ALG11: variants seen among roughly 807,000 people sequenced by gnomAD.
The protein encoded by ALG11 is ALG11 alpha-1,2-mannosyltransferase.
Under a neutral mutation model 38.8 loss-of-function variants are expected in ALG11, and 26 were observed. That is an observed-to-expected ratio of 0.67 (90% confidence interval 0.49 to 0.93). The LOEUF is 0.93. ALG11 is among the 40% of genes least tolerant of loss of function. The pLI, the probability that ALG11 is intolerant of heterozygous loss-of-function variation, is 0.00. For synonymous variants in ALG11, 199 were observed against 211.6 expected, an observed-to-expected ratio of 0.94 and a Z score of 0.52; for missense variants, 535 against 578.8, an observed-to-expected ratio of 0.92 and a Z score of 0.78.
Position 52,030,697 on chromosome 13 carries a change from C to T in ALG11, c.*2107C>T, listed in dbSNP as rs1954293807. ...TGGACCTGACACTACCTGGCTGGGG[C>T]GAGTGGGGTGGTGTGGGCCTAAAGC... On this transcript the variant is annotated 3_prime_UTR_variant, in exon 4 of 4. Coordinates refer to ENST00000521508, the MANE Select transcript of ALG11 (RefSeq NM_001004127.3). The T allele has an allele frequency of 5.0e-6, 8 of 1,614,112 alleles. No individual in the cohort carries two copies. The highest frequency in any genetic ancestry group is 5.9e-6 in the Non-Finnish European group (7 of 1,180,014).
At position 52,029,379 on chromosome 13, in the gene ALG11, A is replaced by G. The variant is rs978706850; in HGVS notation, c.*789A>G. On this transcript the variant is annotated 3_prime_UTR_variant, in exon 4 of 4. Coordinates refer to ENST00000521508, the MANE Select transcript of ALG11 (RefSeq NM_001004127.3). ...GAGCAGGAAATTTTTAACCTCCTCC[A>G]TAAGAACAAGCAGCCAGTGACAGAT... The G allele has an allele frequency of 4.3e-6, 7 of 1,614,024 alleles. No homozygotes were observed. The highest frequency in any genetic ancestry group is 4.2e-6 in the Non-Finnish European group (5 of 1,180,044).
Position 52,030,105 on chromosome 13 carries a change from T to C in ALG11, c.*1515T>C, listed in dbSNP as rs1954283767. Reference sequence around the variant, plus strand: ...CAATCCCTTAGAAAAAGATCTGAGCTCAACCAGGATGCTGAGCCAGCAAGC... The same window carrying C: ...CAATCCCTTAGAAAAAGATCTGAGCCCAACCAGGATGCTGAGCCAGCAAGC... On this transcript the variant is annotated 3_prime_UTR_variant, in exon 4 of 4. Transcript: ENST00000521508. The C allele has an allele frequency of 2.5e-6, 4 of 1,614,024 alleles. No individual in the cohort carries two copies. Among genetic ancestry groups the C allele is most frequent in the Non-Finnish European group, 3.4e-6 (4 of 1,180,044 alleles).
rs1287258271 is a variant in ALG11, at chr13:52,031,015, C to A, written c.*2425C>A. 6.2e-7 allele frequency: 1 copy of A among 1,614,202 alleles called. No homozygotes were observed. Among genetic ancestry groups the A allele is most frequent in the East Asian group, 2.2e-5 (1 of 44,880 alleles). On this transcript the variant is annotated 3_prime_UTR_variant, in exon 4 of 4. Coordinates refer to ENST00000521508, the MANE Select transcript of ALG11 (RefSeq NM_001004127.3). ...AGCCCATAAAAGCAGAGGATGTGGG[C>A]TACCAGTCTTCCTCAAGGTCAGACC...
intron 1 of ALG11, 70 bp downstream of exon 1, chr13:52,012,532 C>G: frequency 6.2e-7 from 1 of 1,608,688 alleles, no homozygotes; most frequent in Non-Finnish European, 8.5e-7. Context: ...TCCAGTGTAG[C>G]TAAATTTTGC....
In ALG11 at chr13:52,029,428, G is replaced by A. The variant is rs757753927; in HGVS notation, c.*838G>A. ...ATCCTTTACTGACTCCCATGGAAAAGGCCTCTCTCCAAGCCATGAGCCTGG... is the reference window on the plus strand; with the variant it reads ...ATCCTTTACTGACTCCCATGGAAAAAGCCTCTCTCCAAGCCATGAGCCTGG... On this transcript the variant is annotated 3_prime_UTR_variant, in exon 4 of 4. Transcript: ENST00000521508. The A allele has an allele frequency of 2.5e-6, 4 of 1,614,160 alleles. No homozygotes were observed. The Admixed American group carries it at 6.7e-5, about 27-fold the overall frequency.
At chr13:52,020,948 A>C (rs1216920412) in intron 2 of ALG11, 2 of 152,178 alleles carry the variant, frequency 1.3e-5, no homozygotes, top group Non-Finnish European at 1.5e-5. Flanking sequence ...TCGACCTAGC[A>C]GTATTTATTG....
chr13:52,028,867 G>T lies in ALG11; in HGVS notation c.*277G>T, dbSNP rs775998263. On this transcript the variant is annotated 3_prime_UTR_variant, in exon 4 of 4. Coordinates refer to ENST00000521508, the MANE Select transcript of ALG11 (RefSeq NM_001004127.3). ...GCCACCAGGAAGAACTAGTGGATTTGCCAAAAAACTACCCCTTGAGTGAAA... is the reference window on the plus strand; with the variant it reads ...GCCACCAGGAAGAACTAGTGGATTTTCCAAAAAACTACCCCTTGAGTGAAA... 10 of 1,614,216 alleles carry T rather than the reference G, an allele frequency of 6.2e-6. No individual in the cohort carries two copies. Among genetic ancestry groups the T allele is most frequent in the Non-Finnish European group, 6.8e-6 (8 of 1,180,040 alleles).
In ALG11 at chr13:52,033,358, A is replaced by G. The variant is rs1037187661; in HGVS notation, c.*4768A>G. The G allele has an allele frequency of 4.2e-5, 7 of 167,084 alleles. No homozygotes were observed. Among genetic ancestry groups the G allele is most frequent in the African/African-American group, 1.4e-4 (6 of 41,452 alleles). 10.4% of individuals were successfully genotyped at this position (167,084 alleles called of 1,614,324 possible). A position where few individuals can be genotyped will look rare whatever the true frequency, so the allele number is the denominator to read the frequency against. On this transcript the variant is annotated 3_prime_UTR_variant, in exon 4 of 4. Transcript: ENST00000521508. ...GTGTGTGTTACATAGGTTTTGTGTA[A>G]TAATTATTTGTAAATATTATTTAGA... is the stretch of plus-strand genomic sequence containing the variant.
At chr13:52,014,881 T>C (rs1484946314) in intron 1 of ALG11, among the ~76,000 whole-genome samples, 1 of 152,200 alleles carries the variant, frequency 6.6e-6, no homozygotes, top group East Asian at 1.9e-4. Flanking sequence ...GTAAAATTTT[T>C]AAGAGTATAA....
Position 52,028,616 on chromosome 13 carries a change from T to C in ALG11, c.*26T>C, listed in dbSNP as rs751773972. On this transcript the variant is annotated 3_prime_UTR_variant, in exon 4 of 4. Coordinates refer to ENST00000521508, the MANE Select transcript of ALG11 (RefSeq NM_001004127.3). Reference sequence around the variant, plus strand: ...TGCCATATCTGTAAAATTAAAGATATTTTATATAAACTGGTTAAACACCTT... The same window carrying C: ...TGCCATATCTGTAAAATTAAAGATACTTTATATAAACTGGTTAAACACCTT... The C allele has an allele frequency of 6.2e-7, 1 of 1,603,030 alleles. No individual in the cohort carries two copies. The highest frequency in any genetic ancestry group is 1.7e-5 in the Admixed American group (1 of 59,894).
In ALG11 at chr13:52,030,031, A is replaced by C; in HGVS notation, c.*1441A>C. Reference sequence around the variant, plus strand: ...AGGTTTCTGCAAGTGAGGCAGAAGAAAGACCAGTGGCAGAGGAAGAAATTT... The same window carrying C: ...AGGTTTCTGCAAGTGAGGCAGAAGACAGACCAGTGGCAGAGGAAGAAATTT... On this transcript the variant is annotated 3_prime_UTR_variant, in exon 4 of 4. Transcript: ENST00000521508. 6.2e-7 allele frequency: 1 copy of C among 1,614,252 alleles called. No homozygotes were observed. The highest frequency in any genetic ancestry group is 8.5e-7 in the Non-Finnish European group (1 of 1,180,042).
intron 3 of ALG11, among the ~76,000 whole-genome samples, chr13:52,027,157 CTA>C (rs1954249276): frequency 6.6e-6 from 1 of 152,112 alleles, no homozygotes. Context: ...AAAAGTCAGA[CTA>C]TGAGCAAAAA....
Position 52,031,145 on chromosome 13 carries a change from C to T in ALG11, c.*2555C>T. The T allele has an allele frequency of 6.4e-7, 1 of 1,567,350 alleles. No homozygotes were observed. ...GAAGTGACAGTCAGGGGCCCTGATT[C>T]CACTTCCTTTGGTCCAGTTTTACTC... On this transcript the variant is annotated 3_prime_UTR_variant, in exon 4 of 4. Transcript: ENST00000521508.
intron 3 of ALG11, among the ~76,000 whole-genome samples, chr13:52,026,027 C>T (rs1203974802): frequency 6.6e-6 from 1 of 152,220 alleles, no homozygotes; most frequent in African/African-American, 2.4e-5. Context: ...AGCTGCTTGG[C>T]CTGTCAGAGG....
At chr13:52,023,152 C>G (rs746889532) in intron 2 of ALG11, 1 of 152,102 alleles carries the variant, frequency 6.6e-6, no homozygotes, top group Non-Finnish European at 1.5e-5. Context: ...GTATTGTGAT[C>G]CTATCTGAAG....
Position 52,030,840 on chromosome 13 carries a change from A to G in ALG11, c.*2250A>G. Reference sequence around the variant, plus strand: ...AAGCGCAACATCCACGCAGCAGCTCATCAGGTACAAGTGCTTCCATATCCA... The same window carrying G: ...AAGCGCAACATCCACGCAGCAGCTCGTCAGGTACAAGTGCTTCCATATCCA... On this transcript the variant is annotated 3_prime_UTR_variant, in exon 4 of 4. Transcript: ENST00000521508. 3 of 1,613,864 alleles carry G rather than the reference A, an allele frequency of 1.9e-6. No homozygotes were observed. Among genetic ancestry groups the G allele is most frequent in the Non-Finnish European group, 2.5e-6 (3 of 1,179,696 alleles).
intron 1 of ALG11, 83 bp downstream of exon 1, chr13:52,012,545 G>C (rs1954080751): frequency 6.3e-6 from 10 of 1,582,070 alleles, no homozygotes; most frequent in Admixed American, 1.7e-5. Context: ...AATTTTGCGG[G>C]CAAATGGCCT....
In ALG11 at chr13:52,028,558, T is replaced by C; in HGVS notation, c.1447T>C (p.Phe483Leu). 7 of 1,614,190 alleles carry C rather than the reference T, an allele frequency of 4.3e-6. No homozygotes were observed. Among genetic ancestry groups the C allele is most frequent in the Non-Finnish European group, 5.9e-6 (7 of 1,179,996 alleles). Residue 483 changes from phenylalanine (F) to leucine (L), a missense_variant, in exon 4 of 4, where the codon TTC (phenylalanine) becomes CTC (leucine). Coordinates refer to ENST00000521508, the MANE Select transcript of ALG11 (RefSeq NM_001004127.3). ...RFSDQEFEVT[F>L]LSSVEKLFK ...CTCTGATCAGGAATTTGAAGTGACA[T>C]TCCTATCATCTGTGGAAAAGTTATT...
At position 52,031,058 on chromosome 13, in the gene ALG11, A is replaced by G. The variant is rs1309799773; in HGVS notation, c.*2468A>G. 1 of 1,613,952 alleles carries G rather than the reference A, an allele frequency of 6.2e-7. No individual in the cohort carries two copies. The highest frequency in any genetic ancestry group is 2.2e-5 in the East Asian group (1 of 44,886). Reference sequence around the variant, plus strand: ...GTCAGACCTGCCTGTCATACAGAGGAATCCAAAACGAATCACCACACGTCA... The same window carrying G: ...GTCAGACCTGCCTGTCATACAGAGGGATCCAAAACGAATCACCACACGTCA... On this transcript the variant is annotated 3_prime_UTR_variant, in exon 4 of 4. Transcript: ENST00000521508.
Sources: gnomAD v4.1 joint callset for allele counts (sites outside exome capture counted in the v4.1 genomes callset) on GRCh38, gnomAD v4.1.1 for gene constraint, MANE v1.5 for transcripts, NCBI Gene and HGNC (gene_info 2026-07-23, HGNC 2026-07-21) for gene names.